Variants in SH3BP1 observed in about 807,000 individuals in gnomAD.
SH3BP1 encodes the protein SH3 domain binding protein 1.
In SH3BP1, 46 loss-of-function variants were observed where a neutral mutation model predicts 69.8. That is an observed-to-expected ratio of 0.66 (90% CI 0.52 to 0.84). The LOEUF is 0.84. SH3BP1 is among the 40% of genes least tolerant of loss of function. The probability of loss-of-function intolerance (pLI) is 0.00; values close to 1 mark genes in which losing one functional copy is unlikely to be tolerated. For synonymous variants in SH3BP1, 403 were observed against 378.0 expected (o/e 1.07, Z -0.77); for missense variants, 868 against 930.9 (o/e 0.93, Z 0.88).
chr22:37,652,267 G>A (rs1025730485), intron 16 of SH3BP1, among the ~76,000 whole-genome samples: 5 of 148,930 alleles, frequency 3.4e-5, no homozygotes, highest in African/African-American at 7.5e-5. Context: ...CCAAGATTGC[G>A]CCACTGCACT....
At position 37,655,923 on chromosome 22, in the gene SH3BP1, C is replaced by A. The variant is rs140538665; in HGVS notation, c.*239C>A. 528 of 1,569,696 alleles carry A rather than the reference C, an allele frequency of 3.4e-4. 1 individual carries two copies. The African/African-American group carries it at 6.6e-3, about 20-fold the overall frequency. The stretch of plus-strand genomic sequence containing the variant: ...CCCCACCGGACTCTCCACTCTCCGG[C>A]AGGTCCTAGGGGAGCCACCGGAAGG... On this transcript the variant is annotated 3_prime_UTR_variant, in exon 18 of 18. Coordinates refer to ENST00000649765, the MANE Select transcript of SH3BP1 (RefSeq NM_018957.6).
Position 37,641,109 on chromosome 22 carries a change from C to CA in SH3BP1, c.60-17_60-16insA, listed in dbSNP as rs908349389. On this transcript the variant is annotated splice_polypyrimidine_tract_variant and intron_variant, in intron 1 of 17. Coordinates refer to ENST00000649765, the MANE Select transcript of SH3BP1 (RefSeq NM_018957.6). ...CAGCAGAAGCACTCTCCCCCCCCCC[C>CA]CCACCACTCCCCGCAGCACCCCGGA... 113 of 1,390,700 alleles carry CA rather than the reference C, an allele frequency of 8.1e-5. No individual in the cohort carries two copies. The highest frequency in any genetic ancestry group is 2.2e-4 in the Admixed American group (11 of 49,194). The allele number at this position is 1,390,700 out of a possible 1,614,324, so 86.1% of individuals were successfully genotyped here.
chr22:37,646,704 A>C, intron 10 of SH3BP1, 114 bp from the exon 11 acceptor site: 1 of 519,710 alleles, frequency 1.9e-6, no homozygotes, highest in Non-Finnish European at 3.2e-6. Flanking sequence ...CAGCCAGACC[A>C]GCGGGGACAC....
At chr22:37,641,004 G>A (rs1932562959) in intron 1 of SH3BP1, 122 bp from the exon 2 acceptor site, 1 of 724,156 alleles carries the variant, frequency 1.4e-6, no homozygotes, top group Non-Finnish European at 2.5e-6. Flanking sequence ...GCCTCAGCTG[G>A]GAGGGACAGT....
rs562017452 is a variant in SH3BP1 at position 37,646,604 on chromosome 22, G to A, written c.925-214G>A. 4.2e-3 allele frequency among the ~76,000 whole-genome samples: 645 copies of A among 152,022 alleles called. 4 individuals carry two copies. Among genetic ancestry groups the A allele is most frequent in the African/African-American group, 0.015 (610 of 41,468 alleles). On this transcript the variant is annotated intron_variant, in intron 10 of 17. Coordinates refer to ENST00000649765, the MANE Select transcript of SH3BP1 (RefSeq NM_018957.6). ...CTTCCATTTCCCCATGATTTTTCCCGCCTCCTCCCAGACTTCCCAGCCCTG... is the reference window on the plus strand; with the variant it reads ...CTTCCATTTCCCCATGATTTTTCCCACCTCCTCCCAGACTTCCCAGCCCTG...
chr22:37,650,286 C>A (rs1932853648), intron 15 of SH3BP1, 37 bp downstream of exon 15: 2 of 1,563,462 alleles, frequency 1.3e-6, no homozygotes, highest in South Asian at 1.2e-5. Context: ...CTGCTGGGTG[C>A]CCTCCTTCTG....
At chr22:37,645,687 G>A (rs574918261) in intron 10 of SH3BP1, among the ~76,000 whole-genome samples, 177 bp downstream of exon 10, 1 of 152,172 alleles carries the variant, frequency 6.6e-6, no homozygotes, top group African/African-American at 2.4e-5. Context: ...CAATGCTCGC[G>A]TGGGCCAAGC....
chr22:37,642,660 G>A (rs771359278), intron 4 of SH3BP1, 45 bp downstream of exon 4: 17 of 1,612,360 alleles, frequency 1.1e-5, no homozygotes, highest in Admixed American at 1.0e-4. Context: ...ATACCAAGAC[G>A]TGATCTCAGC....
At chr22:37,648,675 G>T (rs1014458018) in intron 14 of SH3BP1, 4 of 460,922 alleles carry the variant, frequency 8.7e-6, no homozygotes, top group African/African-American at 2.0e-5. Context: ...TGGCATGGGG[G>T]AGCTGGGAGC....
At chr22:37,651,404 G>T (rs1017185781) in intron 16 of SH3BP1, among the ~76,000 whole-genome samples, 21 of 149,772 alleles carry the variant, frequency 1.4e-4, no homozygotes, top group African/African-American at 4.9e-4. Flanking sequence ...GCGAGATCTT[G>T]GCTCACTTGC....
Position 37,646,876 on chromosome 22 carries a change from C to A in SH3BP1, c.983C>A (p.Ala328Asp). ...SVLKRLKQTM[A>D]SDPHSLEEFC... ...CTGAAGCGTCTCAAGCAGACAATGGCCTCGGACCCCCACAGCCTGGAGGAG... is the reference window on the plus strand; with the variant it reads ...CTGAAGCGTCTCAAGCAGACAATGGACTCGGACCCCCACAGCCTGGAGGAG... Residue 328 changes from alanine (A) to aspartate (D), a missense_variant, in exon 11 of 18, where the codon GCC becomes GAC. Transcript: ENST00000649765. The A allele has an allele frequency of 6.4e-7, 1 of 1,564,662 alleles. No homozygotes were observed.
intron 15 of SH3BP1, 64 bp from the exon 16 acceptor site, chr22:37,650,478 C>CG: frequency 6.4e-7 from 1 of 1,550,970 alleles, no homozygotes; most frequent in Non-Finnish European, 8.7e-7. Context: ...GAAACGGTCC[C>CG]GGCCAGTGGA....
chr22:37,647,901 C>A (rs1264765564), intron 13 of SH3BP1, among the ~76,000 whole-genome samples: 1 of 152,166 alleles, frequency 6.6e-6, no homozygotes, highest in African/African-American at 2.4e-5. Context: ...GTCTTGAACT[C>A]CTGACCTCAG....
intron 16 of SH3BP1, among the ~76,000 whole-genome samples, chr22:37,651,030 A>C (rs1284844011): frequency 6.6e-6 from 1 of 151,548 alleles, no homozygotes; most frequent in Non-Finnish European, 1.5e-5. Context: ...AATACCTTCC[A>C]GTTTTGTTTT....
rs745345551 is a variant in SH3BP1 at position 37,644,638 on chromosome 22, A to G, written c.620A>G (p.Asp207Gly). The G allele has an allele frequency of 6.2e-7, 1 of 1,614,138 alleles. No homozygotes were observed. The highest frequency in any genetic ancestry group is 8.5e-7 in the Non-Finnish European group (1 of 1,180,004). Residue 207 changes from aspartate to glycine, a missense_variant and splice_region_variant, in exon 8 of 18, where the codon GAC (aspartate) becomes GGC (glycine). By Grantham distance (94) the Asp-to-Gly change is moderately conservative. Around this residue, in one of 3 missense-constraint regions of SH3BP1, gnomAD observed 387 missense variants for 447.9 expected, o/e 0.86. Transcript: ENST00000649765. Reference sequence around the variant, plus strand: ...AGCTCTCCCCTCTCTGTCCCCAAGGACGAGTACTTGGCTGACCTGTACCAC... The same window carrying G: ...AGCTCTCCCCTCTCTGTCCCCAAGGGCGAGTACTTGGCTGACCTGTACCAC... Reference protein sequence around the residue: ...ELKRKVEQCRDEYLADLYHFV... With the variant: ...ELKRKVEQCRGEYLADLYHFV...
At chr22:37,649,153 T>C (rs1347947281) in intron 14 of SH3BP1, among the ~76,000 whole-genome samples, 2 of 152,010 alleles carry the variant, frequency 1.3e-5, no homozygotes, top group Non-Finnish European at 1.5e-5. Context: ...GGCTTTTGCT[T>C]TGGGGAGTGA....
In SH3BP1 at chr22:37,646,904, C is replaced by T; in HGVS notation, c.1011C>T (p.Phe337=). The T allele has an allele frequency of 6.4e-7, 1 of 1,557,992 alleles. No individual in the cohort carries two copies. Among genetic ancestry groups the T allele is most frequent in the Non-Finnish European group, 8.7e-7 (1 of 1,154,634 alleles). Residue 337 remains phenylalanine, a synonymous_variant, in exon 11 of 18, where the codon TTC becomes TTT. Transcript: ENST00000649765. ...MASDPHSLEE[F]CSDPHAVAGA... The stretch of plus-strand genomic sequence containing the variant: ...CGGACCCCCACAGCCTGGAGGAGTT[C>T]TGCTCCGACCCGCACGCTGTGGCAG...
intron 17 of SH3BP1, among the ~76,000 whole-genome samples, chr22:37,654,288 G>T (rs1932953868): frequency 2.6e-5 from 4 of 152,098 alleles, no homozygotes; most frequent in Admixed American, 2.6e-4. Context: ...GGCAGTGAAG[G>T]GGCTGGGCAC....
At position 37,641,136 on chromosome 22, in the gene SH3BP1, A is replaced by AC; in HGVS notation, c.72dup (p.Ala25ArgfsTer2). The AC allele has an allele frequency of 3.2e-6, 4 of 1,239,128 alleles. No homozygotes were observed. Among genetic ancestry groups the AC allele is most frequent in the Non-Finnish European group, 4.5e-6 (4 of 898,284 alleles). 76.8% of individuals were successfully genotyped at this position (1,239,128 alleles called of 1,614,324 possible). A position where few individuals can be genotyped will look rare whatever the true frequency, so the allele number is the denominator to read the frequency against. ...CACCACTCCCCGCAGCACCCCGGAG[A>AC]CCGCTGAGTTCCTGGGTGAGGACCT... On this transcript the variant is annotated frameshift_variant, in exon 2 of 18. Coordinates refer to ENST00000649765, the MANE Select transcript of SH3BP1 (RefSeq NM_018957.6). LOFTEE classifies it high-confidence loss of function.
Sources: allele counts gnomAD v4.1 joint callset (sites outside exome capture counted in the v4.1 genomes callset), GRCh38; gene constraint gnomAD v4.1.1; regional missense constraint gnomAD v4.1.1; transcripts MANE v1.5; gene names NCBI Gene and HGNC (gene_info 2026-07-23, HGNC 2026-07-21).